COL24A1: variants seen among roughly 807,000 people sequenced by gnomAD.
COL24A1 encodes collagen alpha-1(XXIV) chain.
In COL24A1, 224 loss-of-function variants were observed where a neutral mutation model predicts 253.9. That is an observed-to-expected ratio of 0.88 (90% confidence interval 0.79 to 0.99). The LOEUF (loss-of-function observed/expected upper bound fraction) is 0.99. COL24A1 is among the 50% of genes least tolerant of loss of function. The probability of loss-of-function intolerance (pLI) is 0.00; values close to 1 mark genes in which losing one functional copy is unlikely to be tolerated. For synonymous variants in COL24A1, 685 were observed against 673.7 expected, an observed-to-expected ratio of 1.02 and a Z score of -0.26; for missense variants, 2,131 against 2,068.5, an observed-to-expected ratio of 1.03 and a Z score of -0.59.
chr1:85,761,422 C>G lies in COL24A1; in HGVS notation c.4411G>C (p.Gly1471Arg). Residue 1471 changes from glycine (G) to arginine (R), a missense_variant and splice_region_variant, in exon 55 of 60, where the codon GGT (glycine) becomes CGT (arginine). Transcript: ENST00000370571. Reference sequence around the variant, plus strand: ...CTTGGGCCTGGTGCTCCAGGTGGACCCTAGAACACAGCAAATTAAAAAAAA... The same window carrying G: ...CTTGGGCCTGGTGCTCCAGGTGGACGCTAGAACACAGCAAATTAAAAAAAA... ...QGPRGQPGPP[G>R]PPGAPGPRKQ... 1 of 1,613,894 alleles carries G rather than the reference C, an allele frequency of 6.2e-7. No individual in the cohort carries two copies. The highest frequency in any genetic ancestry group is 8.5e-7 in the Non-Finnish European group (1 of 1,179,940).
At chr1:86,084,208 A>T (rs1386390617) in intron 7 of COL24A1, among the ~76,000 whole-genome samples, 1 of 152,258 alleles carries the variant, frequency 6.6e-6, no homozygotes, top group Non-Finnish European at 1.5e-5. Context: ...TGAGAACAAG[A>T]TGAAAATCAA....
At chr1:85,834,336 G>C (rs912558485) in intron 43 of COL24A1, among the ~76,000 whole-genome samples, 4 of 151,902 alleles carry the variant, frequency 2.6e-5, no homozygotes, top group Non-Finnish European at 4.4e-5. Context: ...GAGAAAGAAA[G>C]AGAAAGAAAG....
chr1:85,907,456 T>G (rs1571171067), intron 27 of COL24A1, among the ~76,000 whole-genome samples: 1 of 151,894 alleles, frequency 6.6e-6, no homozygotes, highest in Non-Finnish European at 1.5e-5. Flanking sequence ...AATGTCTGGG[T>G]GTTTACACCC....
At chr1:86,137,592 T>C (rs2102361515) in intron 2 of COL24A1, among the ~76,000 whole-genome samples, 1 of 152,256 alleles carries the variant, frequency 6.6e-6, no homozygotes, top group African/African-American at 2.4e-5. Flanking sequence ...TCTCCTTCCT[T>C]TATTTGCTTC....
intron 31 of COL24A1, among the ~76,000 whole-genome samples, chr1:85,890,948 CT>C (rs2102751424): frequency 6.6e-6 from 1 of 152,270 alleles, no homozygotes; most frequent in Non-Finnish European, 1.5e-5. Context: ...AATTCTGAGT[CT>C]TCTCTGACTC....
intron 1 of COL24A1, 130 bp downstream of exon 1, chr1:86,156,211 A>C (rs1019960260): frequency 8.6e-6 from 6 of 697,728 alleles, no homozygotes; most frequent in African/African-American, 1.8e-5. Flanking sequence ...TACCGCGGGT[A>C]CTCGGCCGCT....
intron 2 of COL24A1, among the ~76,000 whole-genome samples, chr1:86,128,018 T>C (rs1202813041): frequency 1.3e-5 from 2 of 152,200 alleles, no homozygotes; most frequent in East Asian, 1.9e-4. Flanking sequence ...GTATCTATGA[T>C]ATTGTATGAC....
chr1:85,793,810 A>C (rs2101695627), intron 47 of COL24A1, among the ~76,000 whole-genome samples: 1 of 152,306 alleles, frequency 6.6e-6, no homozygotes, highest in East Asian at 1.9e-4. Flanking sequence ...AAAAATGTTC[A>C]GAAAAGACAT....
chr1:85,825,239 C>A (rs533436484), intron 43 of COL24A1, among the ~76,000 whole-genome samples: 55 of 152,116 alleles, frequency 3.6e-4, no homozygotes, highest in African/African-American at 1.3e-3. Context: ...CATGTCCCTA[C>A]AAAGGACATG....
At chr1:85,955,102 GAC>G (rs1690306125) in intron 24 of COL24A1, among the ~76,000 whole-genome samples, 1 of 152,200 alleles carries the variant, frequency 6.6e-6, no homozygotes, top group Non-Finnish European at 1.5e-5. Flanking sequence ...GCCGGATACA[GAC>G]ACAGACACAA....
chr1:86,150,062 T>G (rs1488180970), intron 1 of COL24A1, among the ~76,000 whole-genome samples: 2 of 152,162 alleles, frequency 1.3e-5, no homozygotes, highest in Admixed American at 1.3e-4. Flanking sequence ...ATCTCCAAAG[T>G]TCCAGCCATA....
intron 31 of COL24A1, among the ~76,000 whole-genome samples, chr1:85,893,653 A>G (rs1209015547): frequency 1.3e-5 from 2 of 152,178 alleles, no homozygotes; most frequent in Non-Finnish European, 2.9e-5. Context: ...GTGTTGGTCC[A>G]CGGACAAATA....
At chr1:85,887,838 T>G (rs1250613059) in intron 32 of COL24A1, among the ~76,000 whole-genome samples, 1 of 152,146 alleles carries the variant, frequency 6.6e-6, no homozygotes, top group Non-Finnish European at 1.5e-5. Flanking sequence ...AATGTTGTAG[T>G]TCTTTAAGCC....
chr1:85,783,670 G>A, intron 50 of COL24A1, 112 bp from the exon 51 acceptor site: 1 of 935,260 alleles, frequency 1.1e-6, no homozygotes, highest in Non-Finnish European at 1.7e-6. Context: ...ATATAATACT[G>A]TTGTGCATGC....
intron 19 of COL24A1, among the ~76,000 whole-genome samples, chr1:85,991,167 G>T (rs1179722591): frequency 6.6e-6 from 1 of 152,152 alleles, no homozygotes; most frequent in Non-Finnish European, 1.5e-5. Context: ...GTCTCTATAT[G>T]TGACTACCAA....
In COL24A1 at chr1:86,126,232, A is replaced by G; in HGVS notation, c.122-18T>C. 6.4e-7 allele frequency: 1 copy of G among 1,551,386 alleles called. No individual in the cohort carries two copies. Among genetic ancestry groups the G allele is most frequent in the Non-Finnish European group, 8.6e-7 (1 of 1,158,584 alleles). On this transcript the variant is annotated intron_variant, in intron 2 of 59. Transcript: ENST00000370571. ...ATCTATGCCTGGAAATTTAAAAAAGAGAGAGAGAAAGAATCTTAATTTTAT... is the reference window on the plus strand; with the variant it reads ...ATCTATGCCTGGAAATTTAAAAAAGGGAGAGAGAAAGAATCTTAATTTTAT...
At chr1:85,981,817 G>C (rs1440712990) in intron 20 of COL24A1, among the ~76,000 whole-genome samples, 1 of 151,974 alleles carries the variant, frequency 6.6e-6, no homozygotes, top group Non-Finnish European at 1.5e-5. Context: ...CAAATTACTG[G>C]GCTAAAAATT....
intron 59 of COL24A1, among the ~76,000 whole-genome samples, chr1:85,732,099 T>C (rs981985410): frequency 2.0e-5 from 3 of 152,154 alleles, no homozygotes; most frequent in African/African-American, 7.2e-5. Context: ...TTTCCCCACA[T>C]ATAAAATGGG....
intron 47 of COL24A1, among the ~76,000 whole-genome samples, chr1:85,788,524 C>T (rs1472165821): frequency 6.6e-6 from 1 of 152,154 alleles, no homozygotes; most frequent in Admixed American, 6.5e-5. Flanking sequence ...TGTCTGTTTG[C>T]TCTGATGATA....
Sources: gnomAD v4.1 joint callset for allele counts (sites outside exome capture counted in the v4.1 genomes callset) on GRCh38, gnomAD v4.1.1 for gene constraint, MANE v1.5 for transcripts, NCBI Gene and HGNC (gene_info 2026-07-23, HGNC 2026-07-21) for gene names.